Variants in BIN1 observed in about 807,000 individuals in gnomAD.
The protein encoded by BIN1 is myc box-dependent-interacting protein 1.
A neutral mutation model predicts 82.0 loss-of-function variants in BIN1; 53 were observed. The observed-to-expected ratio is 0.65, with a 90% CI of 0.52 to 0.81. BIN1 has a LOEUF of 0.81. Ranked by LOEUF, BIN1 falls within the 40% of genes least tolerant of loss-of-function variation. BIN1 has a pLI of 0.00. For missense variants in BIN1, 642 were observed against 784.4 expected, an observed-to-expected ratio of 0.82 and a Z score of 2.17; for synonymous variants, 302 against 328.0, an observed-to-expected ratio of 0.92 and a Z score of 0.86.
chr2:127,089,992 AC>A lies in BIN1; in HGVS notation c.85-13287del, dbSNP rs202126475. ...TAGTCCCCAACGCCCTACTCCCCCA[AC>A]CCCCAGCTCACATAAGCCTTCCCCG... On this transcript the variant is annotated intron_variant, in intron 1 of 18. Transcript: ENST00000316724. 3.6e-3 allele frequency among the ~76,000 whole-genome samples: 427 copies of A among 118,296 alleles called. 4 individuals are homozygous for A. Among genetic ancestry groups the A allele is most frequent in the East Asian group, 0.022 (86 of 3,924 alleles). 77.6% of individuals were successfully genotyped at this position (118,296 alleles called of 152,430 possible). A position where few individuals can be genotyped will look rare whatever the true frequency, so the allele number is the denominator to read the frequency against.
chr2:127,099,350 ATGTGTGTGTGTGTG>A (rs3033389), intron 1 of BIN1, among the ~76,000 whole-genome samples: 1 of 149,408 alleles, frequency 6.7e-6, no homozygotes, highest in Non-Finnish European at 1.5e-5. Flanking sequence ...CCCAGGGTGC[ATGTGTGTGTGTGTG>A]TGTGTGTGGT....
chr2:127,048,610 C>T lies in BIN1; in HGVS notation c.1698G>A (p.Val566=), dbSNP rs1398854153. 6.2e-7 allele frequency: 1 copy of T among 1,613,204 alleles called. No homozygotes were observed. The highest frequency in any genetic ancestry group is 1.3e-5 in the African/African-American group (1 of 74,898). Residue 566 remains valine (V), a synonymous_variant, in exon 19 of 19, where the codon GTG becomes GTA. Coordinates refer to ENST00000316724, the MANE Select transcript of BIN1 (RefSeq NM_139343.3). ...TGTGCTGGTTCCAGTCGCTCTCCTTCACGCCCATGAGCCAGCCTTCATCCT... is the reference window on the plus strand; with the variant it reads ...TGTGCTGGTTCCAGTCGCTCTCCTTTACGCCCATGAGCCAGCCTTCATCCT... ...EEQDEGWLMG[V]KESDWNQHKE... is the part of the protein sequence containing the mutation.
At position 127,062,179 on chromosome 2, in the gene BIN1, C is replaced by T. The variant is rs763298445; in HGVS notation, c.793G>A (p.Asp265Asn). Residue 265 changes from aspartate (D) to asparagine (N), a missense_variant, in exon 10 of 19, where the codon GAT (aspartate) becomes AAT (asparagine). Asp to Asn is a conservative substitution (Grantham distance 23). Coordinates refer to ENST00000316724, the MANE Select transcript of BIN1 (RefSeq NM_139343.3). ...TGCTTCTCCAGGCCGACCAGCACATCATTGAGGTTCTGGTTGAGCTGCAGG... is the reference window on the plus strand; with the variant it reads ...TGCTTCTCCAGGCCGACCAGCACATTATTGAGGTTCTGGTTGAGCTGCAGG... Reference protein sequence around the residue: ...EMSKLNQNLNDVLVGLEKQHG... With the variant: ...EMSKLNQNLNNVLVGLEKQHG... 6.2e-7 allele frequency: 1 copy of T among 1,608,200 alleles called. No homozygotes were observed. The highest frequency in any genetic ancestry group is 8.5e-7 in the Non-Finnish European group (1 of 1,177,310).
chr2:127,097,312 T>TCATCCCTCCAGGCCCAGGAGC (rs1558882493), intron 1 of BIN1, among the ~76,000 whole-genome samples: 1 of 144,234 alleles, frequency 6.9e-6, no homozygotes, highest in Non-Finnish European at 1.5e-5. Flanking sequence ...GGCCCAGCAG[T>TCATCCCTCCAGGCCCAGGAGC]GTCATCCCTC....
intron 1 of BIN1, among the ~76,000 whole-genome samples, chr2:127,083,549 A>G (rs1025936854): frequency 6.6e-6 from 1 of 152,194 alleles, no homozygotes; most frequent in African/African-American, 2.4e-5. Context: ...CCATGATACC[A>G]TAAGCACCCC....
chr2:127,080,333 GGGACTCCA>G (rs139738654), intron 1 of BIN1, among the ~76,000 whole-genome samples: 3,294 of 152,366 alleles, frequency 0.022, 140 homozygotes, highest in African/African-American at 0.076. Flanking sequence ...AGGGACACAG[GGGACTCCA>G]GGTGTCCAGG....
chr2:127,099,349 CAT>C (rs1491146293), intron 1 of BIN1, among the ~76,000 whole-genome samples: 8 of 132,814 alleles, frequency 6.0e-5, no homozygotes, highest in Non-Finnish European at 1.1e-4. Flanking sequence ...TCCCAGGGTG[CAT>C]GTGTGTGTGT....
At chr2:127,053,705 C>T in intron 13 of BIN1, 200 bp downstream of exon 13, 3 of 699,528 alleles carry the variant, frequency 4.3e-6, no homozygotes, top group Non-Finnish European at 5.1e-6. Flanking sequence ...TTCAGTAACC[C>T]CCTACTGAGA....
rs374440082 is a variant in BIN1 at position 127,067,325 on chromosome 2, C to T, written c.612+838G>A. On this transcript the variant is annotated intron_variant, in intron 7 of 18. Coordinates refer to ENST00000316724, the MANE Select transcript of BIN1 (RefSeq NM_139343.3). The surrounding 1 kb of genome is among the most constrained non-coding windows in gnomAD (Gnocchi z 4.7). ...CTGAAATGTGCCTCAGTTTCATTGG[C>T]GAGAAAACCACATGACCCACCTCTC... Among the ~76,000 whole-genome samples the T allele has an allele frequency of 9.9e-5, 15 of 152,166 alleles. No individual in the cohort carries two copies. The highest frequency in any genetic ancestry group is 3.1e-4 in the African/African-American group (13 of 41,440).
At chr2:127,105,769 C>T (rs1468791341) in intron 1 of BIN1, among the ~76,000 whole-genome samples, 1 of 152,196 alleles carries the variant, frequency 6.6e-6, no homozygotes, top group African/African-American at 2.4e-5. Context: ...AGGGGAAGGC[C>T]GGCCTGTCCC....
intron 1 of BIN1, among the ~76,000 whole-genome samples, chr2:127,080,876 G>C (rs1687204913): frequency 6.6e-6 from 1 of 152,188 alleles, no homozygotes; most frequent in South Asian, 2.1e-4. Context: ...CCTCGGCTGT[G>C]GAAGGAAACC....
rs910281561 is a variant in BIN1 at position 127,048,348 on chromosome 2, C to T, written c.*178G>A. ...GTGAATTCCGCCGGACTTGCCGGGA[C>T]GCGGCTCTTTGGAAAACGACCTAAT... On this transcript the variant is annotated 3_prime_UTR_variant, in exon 19 of 19. Transcript: ENST00000316724. The T allele has an allele frequency of 1.6e-5, 10 of 625,402 alleles. No homozygotes were observed. The highest frequency in any genetic ancestry group is 2.7e-5 in the Admixed American group (1 of 37,330). The allele number at this position is 625,402 out of a possible 1,614,324, so 38.7% of individuals were successfully genotyped here.
chr2:127,058,435 C>T (rs1480189291), intron 11 of BIN1, among the ~76,000 whole-genome samples: 1 of 152,158 alleles, frequency 6.6e-6, no homozygotes, highest in Non-Finnish European at 1.5e-5. Context: ...GGCCAGCCAG[C>T]ACCTAGGGCC....
intron 2 of BIN1, among the ~76,000 whole-genome samples, chr2:127,074,902 C>G (rs1427418609): frequency 6.6e-6 from 1 of 152,174 alleles, no homozygotes; most frequent in Non-Finnish European, 1.5e-5. Flanking sequence ...GGGGTTTCAC[C>G]ATATTGGCCA....
At chr2:127,094,843 C>T (rs1038784290) in intron 1 of BIN1, among the ~76,000 whole-genome samples, 5 of 152,210 alleles carry the variant, frequency 3.3e-5, no homozygotes, top group African/African-American at 4.8e-5. Context: ...ATCAACAGAC[C>T]CTGCCCACCA....
rs764752262 is a variant in BIN1, at chr2:127,059,105, G to A, written c.908C>T (p.Ser303Phe). The A allele has an allele frequency of 6.3e-6, 10 of 1,594,062 alleles. No individual in the cohort carries two copies. Among genetic ancestry groups the A allele is most frequent in the Non-Finnish European group, 8.5e-6 (10 of 1,171,342 alleles). ...GNKSPSPPDG[S>F]PAATPEIRVN... The stretch of plus-strand genomic sequence containing the variant: ...TCTGATCTCGGGGGTGGCGGCAGGG[G>A]AGCCATCTGGAGGCGAAGGGCTCTT... Residue 303 changes from serine (S) to phenylalanine (F), a missense_variant, in exon 11 of 19, where the codon TCC (serine) becomes TTC (phenylalanine). By Grantham distance (155) the Ser-to-Phe change is radical (BLOSUM62 -2). Coordinates refer to ENST00000316724, the MANE Select transcript of BIN1 (RefSeq NM_139343.3). The surrounding 1 kb of genome is among the most constrained non-coding windows in gnomAD (Gnocchi z 6.7).
At chr2:127,053,346 A>G in intron 14 of BIN1, 76 bp downstream of exon 14, 2 of 1,576,372 alleles carry the variant, frequency 1.3e-6, no homozygotes. Context: ...TGAACAGGCT[A>G]GGAGCATGTG....
intron 1 of BIN1, among the ~76,000 whole-genome samples, chr2:127,080,478 G>T (rs549022496): frequency 6.6e-6 from 1 of 152,330 alleles, no homozygotes; most frequent in South Asian, 2.1e-4. Context: ...CTCTGTCCAG[G>T]GTTACTGGGT....
intron 1 of BIN1, among the ~76,000 whole-genome samples, chr2:127,084,551 G>A (rs1235758603): frequency 1.3e-5 from 2 of 152,162 alleles, no homozygotes; most frequent in South Asian, 2.1e-4. Flanking sequence ...GATTTCCTTC[G>A]GTGGAGAGGC....
Sources: allele counts gnomAD v4.1 joint callset (sites outside exome capture counted in the v4.1 genomes callset), GRCh38; gene constraint gnomAD v4.1.1; non-coding constraint Gnocchi (gnomAD v3.1); transcripts MANE v1.5; gene names NCBI Gene and HGNC (gene_info 2026-07-23, HGNC 2026-07-21).